Variants in CSMD3 observed in about 807,000 individuals in gnomAD.
CSMD3 encodes the protein CUB and Sushi multiple domains 3.
In CSMD3, 177 loss-of-function variants were observed where a neutral mutation model predicts 435.2. That is an observed-to-expected ratio of 0.41 (90% CI 0.36 to 0.46). The LOEUF is 0.46. CSMD3 is among the 20% of genes least tolerant of loss of function. The pLI is 0.34. For synonymous variants in CSMD3, 1,656 were observed against 1,520.5 expected (o/e 1.09, Z -2.07); for missense variants, 4,265 against 4,504.6 (o/e 0.95, Z 1.52).
chr8:112,718,252 C>T (rs1055162370), intron 13 of CSMD3, among the ~76,000 whole-genome samples: 3 of 151,842 alleles, frequency 2.0e-5, no homozygotes, highest in African/African-American at 4.8e-5. Flanking sequence ...AAATTGCACA[C>T]GTATAAAGGC....
intron 35 of CSMD3, among the ~76,000 whole-genome samples, chr8:112,404,134 A>G (rs1831566726): frequency 6.6e-6 from 1 of 152,180 alleles, no homozygotes; most frequent in Non-Finnish European, 1.5e-5. Flanking sequence ...GTTATTTGTG[A>G]GAGCCTAGTT....
At position 112,720,350 on chromosome 8, in the gene CSMD3, G is replaced by A. The variant is rs150263220; in HGVS notation, c.1973-30300C>T. On this transcript the variant is annotated intron_variant, in intron 13 of 70. Coordinates refer to ENST00000297405, the MANE Select transcript of CSMD3 (RefSeq NM_198123.2). ...CTTTTTTTTTCCCCTGCTTTCAACT[G>A]ATCCTTGACTGACACAACAGGTTAG... is the stretch of plus-strand genomic sequence containing the variant. 5.0e-3 allele frequency among the ~76,000 whole-genome samples: 750 copies of A among 150,680 alleles called. 5 individuals are homozygous for A. Among genetic ancestry groups the A allele is most frequent in the African/African-American group, 0.017 (706 of 40,956 alleles).
At chr8:113,385,269 T>A (rs1380232261) in intron 1 of CSMD3, among the ~76,000 whole-genome samples, 2 of 151,988 alleles carry the variant, frequency 1.3e-5, no homozygotes, top group Non-Finnish European at 2.9e-5. Flanking sequence ...TCTCAGAGCC[T>A]TAAAACTTTA....
chr8:112,790,666 A>G (rs1166671455), intron 13 of CSMD3, among the ~76,000 whole-genome samples: 2 of 152,104 alleles, frequency 1.3e-5, no homozygotes, highest in Non-Finnish European at 2.9e-5. Context: ...TAACCTACTG[A>G]GAAAAAAAAG....
At chr8:112,677,303 G>C (rs183501912) in intron 16 of CSMD3, among the ~76,000 whole-genome samples, 47 of 151,514 alleles carry the variant, frequency 3.1e-4, no homozygotes, top group African/African-American at 9.9e-4. Context: ...GATGATGGTG[G>C]TGATGATTTT....
At chr8:112,820,171 T>G (rs1200975665) in intron 12 of CSMD3, among the ~76,000 whole-genome samples, 1 of 152,118 alleles carries the variant, frequency 6.6e-6, no homozygotes, top group Non-Finnish European at 1.5e-5. Flanking sequence ...CATATGTACT[T>G]AATAATGAGA....
intron 16 of CSMD3, among the ~76,000 whole-genome samples, chr8:112,675,167 C>A (rs2131744632): frequency 6.6e-6 from 1 of 152,222 alleles, no homozygotes; most frequent in African/African-American, 2.4e-5. Flanking sequence ...ATTTAGTTCT[C>A]CATTTTGTTA....
intron 13 of CSMD3, among the ~76,000 whole-genome samples, chr8:112,785,341 A>G (rs2078509556): frequency 6.6e-6 from 1 of 152,060 alleles, no homozygotes; most frequent in South Asian, 2.1e-4. Context: ...TTCTTCTAAG[A>G]TCTGGAGCAA....
At chr8:112,680,467 A>G (rs911966997) in intron 16 of CSMD3, among the ~76,000 whole-genome samples, 1 of 152,222 alleles carries the variant, frequency 6.6e-6, no homozygotes, top group Non-Finnish European at 1.5e-5. Context: ...GCTCCGGCAA[A>G]AAGAATGGTG....
intron 7 of CSMD3, among the ~76,000 whole-genome samples, chr8:112,963,655 T>G (rs1165625170): frequency 6.6e-6 from 1 of 151,844 alleles, no homozygotes; most frequent in Admixed American, 6.6e-5. Context: ...AAAGATAGAG[T>G]AGATAAACAA....
chr8:113,234,770 T>G (rs191098328), intron 3 of CSMD3, among the ~76,000 whole-genome samples: 1 of 152,220 alleles, frequency 6.6e-6, no homozygotes, highest in African/African-American at 2.4e-5. Flanking sequence ...TCTCTGGGGA[T>G]GCAAATGGTG....
At chr8:112,908,212 T>C (rs4876501) in intron 10 of CSMD3, among the ~76,000 whole-genome samples, 129,890 of 151,262 alleles carry the variant, frequency 0.86, 56,099 homozygotes, top group African/African-American at 0.94. Flanking sequence ...TTTAGACAGC[T>C]TGGCAATGTT....
At chr8:112,445,744 A>T (rs377681912) in intron 32 of CSMD3, among the ~76,000 whole-genome samples, 1 of 152,312 alleles carries the variant, frequency 6.6e-6, no homozygotes, top group Non-Finnish European at 1.5e-5. Flanking sequence ...TTCTGTGATG[A>T]GATATATGTG....
At chr8:112,516,938 T>C in intron 28 of CSMD3, 96 bp downstream of exon 28, 2 of 914,544 alleles carry the variant, frequency 2.2e-6, no homozygotes, top group Non-Finnish European at 3.5e-6. Context: ...GACTCTCATA[T>C]AGAATCTAGT....
At chr8:112,742,174 T>G (rs1315917254) in intron 13 of CSMD3, among the ~76,000 whole-genome samples, 11 of 151,924 alleles carry the variant, frequency 7.2e-5, no homozygotes, top group Admixed American at 2.0e-4. Context: ...AGAAGTGGTT[T>G]GAGGAGAATC....
At chr8:112,497,100 A>G (rs1232940462) in intron 30 of CSMD3, among the ~76,000 whole-genome samples, 1 of 152,100 alleles carries the variant, frequency 6.6e-6, no homozygotes, top group Non-Finnish European at 1.5e-5. Flanking sequence ...ACCCACAAAA[A>G]TTAAAAATAA....
intron 45 of CSMD3, among the ~76,000 whole-genome samples, chr8:112,323,312 T>C (rs1201761349): frequency 6.6e-6 from 1 of 152,070 alleles, no homozygotes; most frequent in Non-Finnish European, 1.5e-5. Flanking sequence ...ACTCTATGAT[T>C]TGTCCAATGT....
chr8:112,791,771 G>A (rs1193540989), intron 13 of CSMD3, among the ~76,000 whole-genome samples: 1 of 152,144 alleles, frequency 6.6e-6, no homozygotes, highest in African/African-American at 2.4e-5. Context: ...GCTGGGTTGT[G>A]AGGTAGACAT....
At chr8:112,862,751 T>C (rs1666997827) in intron 10 of CSMD3, among the ~76,000 whole-genome samples, 1 of 152,114 alleles carries the variant, frequency 6.6e-6, no homozygotes, top group Non-Finnish European at 1.5e-5. Flanking sequence ...TATTGTAGGA[T>C]TAATTCTTAG....
Sources: allele counts gnomAD v4.1 joint callset (sites outside exome capture counted in the v4.1 genomes callset), GRCh38; gene constraint gnomAD v4.1.1; transcripts MANE v1.5; gene names NCBI Gene and HGNC (gene_info 2026-07-23, HGNC 2026-07-21).